The following SLC2A11 variants were observed in gnomAD, a reference collection of about 807,000 sequenced individuals.
SLC2A11 encodes solute carrier family 2 member 11.
In SLC2A11, 43 loss-of-function variants were observed where a neutral mutation model predicts 52.1. That is an observed-to-expected ratio of 0.82 (90% CI 0.65 to 1.06). The LOEUF (loss-of-function observed/expected upper bound fraction) is 1.06, where lower values mean the gene tolerates loss of function less well. SLC2A11 is among the 50% of genes least tolerant of loss of function. SLC2A11 has a pLI of 0.00. For synonymous variants in SLC2A11, 261 were observed against 277.6 expected, an observed-to-expected ratio of 0.94 and a Z score of 0.59; for missense variants, 582 against 654.2, an observed-to-expected ratio of 0.89 and a Z score of 1.20.
upstream of SLC2A11, chr22:23,857,069 TGTGTGGGGGGGGGGGGGTGTAG>T: frequency 2.7e-6 from 1 of 364,922 alleles, no homozygotes; most frequent in Non-Finnish European, 4.6e-6. Flanking sequence ...AAAGTGTGTG[TGTGTGGGGGGGGGGGGGTGTAG>T]GTGGGGCGTG....
upstream of SLC2A11, chr22:23,857,327 C>A (rs1324783009): frequency 1.7e-6 from 2 of 1,190,884 alleles, no homozygotes; most frequent in African/African-American, 1.5e-5. Context: ...GACTTGGGAG[C>A]GCGGCGACCA....
At chr22:23,877,431 T>G (rs1412148146) in intron 5 of SLC2A11, 1 of 784,084 alleles carries the variant, frequency 1.3e-6, no homozygotes. Flanking sequence ...GGTGAAGATT[T>G]GGGCTTTCAA....
chr22:23,863,607 G>GTTTTTTT (rs1568985269), intron 2 of SLC2A11, among the ~76,000 whole-genome samples: 64 of 113,148 alleles, frequency 5.7e-4, no homozygotes, highest in Admixed American at 1.0e-3. Context: ...CTCTCTCTCT[G>GTTTTTTT]GTTTTTTTTT....
Position 23,884,428 on chromosome 22 carries a change from T to TGGTA in SLC2A11, c.1299+2_1299+5dup, listed in dbSNP as rs751502530. On this transcript the variant is annotated frameshift_variant and splice_region_variant, in exon 11 of 12. Coordinates refer to ENST00000316185, the MANE Select transcript of SLC2A11 (RefSeq NM_001024939.4). LOFTEE classifies it low-confidence loss of function (END_TRUNC). The surrounding 1 kb of genome is among the most constrained non-coding windows in gnomAD (Gnocchi z 4.3). ...GTCGGCCTGGGATTTCCCTTTATCA[T>TGGTA]GGTAGGCCCGCCCCTCCCGCTGGGG... 2.5e-6 allele frequency: 4 copies of TGGTA among 1,612,930 alleles called. No individual in the cohort carries two copies. The highest frequency in any genetic ancestry group is 3.4e-6 in the Non-Finnish European group (4 of 1,179,350).
Position 23,868,487 on chromosome 22 carries a change from C to T in SLC2A11, c.136C>T (p.Gln46Ter), listed in dbSNP as rs775660572. The change falls in exon 3 of 12, where the codon CAG becomes TAG. Residue 46 changes from glutamine to a stop codon, truncating the protein, a stop_gained. Transcript: ENST00000316185. LOFTEE classifies it high-confidence loss of function. ...SIINAPTLHI[Q>*]EFTNETWQAR... Reference sequence around the variant, plus strand: ...CTGGCATTTCTGTCCACAGCACATTCAGGAATTCACCAATGAGACATGGCA... The same window carrying T: ...CTGGCATTTCTGTCCACAGCACATTTAGGAATTCACCAATGAGACATGGCA... 29 of 1,614,196 alleles carry T rather than the reference C, an allele frequency of 1.8e-5. 1 individual carries two copies. The South Asian group carries it at 3.0e-4, about 16-fold the overall frequency.
At chr22:23,875,291 A>T (rs2032582987) in intron 4 of SLC2A11, 50 bp downstream of exon 4, 1 of 1,326,876 alleles carries the variant, frequency 7.5e-7, no homozygotes, top group Non-Finnish European at 9.7e-7. Context: ...ATTAATTAAT[A>T]AATTCATTAA....
chr22:23,866,786 T>C (rs943814292), intron 2 of SLC2A11: 10 of 152,368 alleles, frequency 6.6e-5, no homozygotes, highest in Non-Finnish European at 1.2e-4. Flanking sequence ...GGCATGCTGG[T>C]ATGTGCCTGT....
chr22:23,873,244 A>G (rs1482306255), intron 3 of SLC2A11: 1 of 151,330 alleles, frequency 6.6e-6, no homozygotes, highest in Non-Finnish European at 1.5e-5. Flanking sequence ...CTGGTCCCGA[A>G]CCCCTGACCT....
At chr22:23,883,336 T>C in intron 8 of SLC2A11, 1 of 325,278 alleles carries the variant, frequency 3.1e-6, no homozygotes, top group Non-Finnish European at 5.8e-6. Context: ...CCAGGCGTGG[T>C]GGTCTTCGCC....
intron 4 of SLC2A11, among the ~76,000 whole-genome samples, chr22:23,876,282 G>A (rs2146131034): frequency 6.6e-6 from 1 of 152,274 alleles, no homozygotes; most frequent in South Asian, 2.1e-4. Context: ...TTGTCTTCAT[G>A]TCCCAAGTAC....
At chr22:23,866,602 C>G (rs537846041) in intron 2 of SLC2A11, 1 of 154,842 alleles carries the variant, frequency 6.5e-6, no homozygotes, top group East Asian at 1.9e-4. Flanking sequence ...TCACCTCTCC[C>G]TGAGCCTAAT....
intron 8 of SLC2A11, chr22:23,883,195 G>A (rs1245596061): frequency 2.4e-6 from 1 of 411,946 alleles, no homozygotes; most frequent in African/African-American, 2.0e-5. Flanking sequence ...CCAGTAGGTG[G>A]AGGTTGCAGT....
rs529823443 is a variant in SLC2A11 at position 23,877,035 on chromosome 22, C to G, written c.416-7C>G. 1 of 1,613,828 alleles carries G rather than the reference C, an allele frequency of 6.2e-7. No individual in the cohort carries two copies. The highest frequency in any genetic ancestry group is 1.7e-4 in the Middle Eastern group (1 of 6,060). On this transcript the variant is annotated splice_polypyrimidine_tract_variant and splice_region_variant and intron_variant, in intron 4 of 11. Transcript: ENST00000316185. ...GGCTGACGTGCCTCTGCTGTGCACA[C>G]GTCCAGGTGTGAGCATGAACATCCA... is the stretch of plus-strand genomic sequence containing the variant.
chr22:23,871,801 AC>A (rs1381846767), intron 3 of SLC2A11: 1 of 152,094 alleles, frequency 6.6e-6, no homozygotes, highest in Non-Finnish European at 1.5e-5. Context: ...GTCCTTCATT[AC>A]CTTTTGGGTC....
upstream of SLC2A11, chr22:23,857,119 A>G: frequency 7.8e-7 from 1 of 1,275,966 alleles, no homozygotes; most frequent in South Asian, 1.3e-5. Context: ...GTGCACAACC[A>G]AGGGCTTGGC....
chr22:23,877,379 C>T (rs1216485395), intron 5 of SLC2A11: 3 of 915,154 alleles, frequency 3.3e-6, no homozygotes, highest in Middle Eastern at 2.1e-4. Context: ...TTCCCATCCT[C>T]TCCAGGTCAG....
intron 8 of SLC2A11, 93 bp downstream of exon 8, chr22:23,882,962 G>A: frequency 8.2e-7 from 1 of 1,214,366 alleles, no homozygotes; most frequent in Non-Finnish European, 1.2e-6. Flanking sequence ...AGCTTATGGT[G>A]TTAAAATGCA....
chr22:23,877,973 C>T (rs17004024), intron 6 of SLC2A11, 104 bp downstream of exon 6: 55,191 of 1,332,822 alleles, frequency 0.041, 1,366 homozygotes, highest in African/African-American at 0.07. Flanking sequence ...CAAGGAAAAG[C>T]TATCCCTCTC....
At chr22:23,867,734 G>A (rs770255115) in intron 2 of SLC2A11, 12 of 470,468 alleles carry the variant, frequency 2.6e-5, no homozygotes, top group South Asian at 1.9e-4. Flanking sequence ...TGAATGACAA[G>A]ATTTGATGAG....
Sources: gnomAD v4.1 joint callset for allele counts (sites outside exome capture counted in the v4.1 genomes callset) on GRCh38, gnomAD v4.1.1 for gene constraint, Gnocchi (gnomAD v3.1) non-coding constraint, MANE v1.5 for transcripts, NCBI Gene and HGNC (gene_info 2026-07-23, HGNC 2026-07-21) for gene names.